WDR27: variants seen among roughly 807,000 people sequenced by gnomAD.
WDR27 encodes the protein WD repeat-containing protein 27.
A neutral mutation model predicts 114.4 loss-of-function variants in WDR27; 100 were observed. That is an observed-to-expected ratio of 0.87 (90% confidence interval 0.74 to 1.03). The LOEUF (loss-of-function observed/expected upper bound fraction) is 1.03. WDR27 is among the 50% of genes least tolerant of loss of function. The pLI is 0.00. For missense variants in WDR27, 1,129 were observed against 1,092.9 expected (o/e 1.03, Z -0.47); for synonymous variants, 449 against 423.1 (o/e 1.06, Z -0.75).
At chr6:169,518,044 G>A (rs1317187588) in intron 25 of WDR27, among the ~76,000 whole-genome samples, 1 of 152,198 alleles carries the variant, frequency 6.6e-6, no homozygotes, top group Non-Finnish European at 1.5e-5. Context: ...CACATGCTGG[G>A]AACACTACTG....
In WDR27 at chr6:169,664,476, T is replaced by C. The variant is rs901685724; in HGVS notation, c.784-190A>G. ...TGGAGGCCCTCCGTACGGCCCACGG[T>C]GTCAGAGCACTTTCACACGGCTGGC... is the stretch of plus-strand genomic sequence containing the variant. On this transcript the variant is annotated intron_variant, in intron 7 of 25. Coordinates refer to ENST00000448612, the MANE Select transcript of WDR27 (RefSeq NM_182552.5). 3 of 1,437,716 alleles carry C rather than the reference T, an allele frequency of 2.1e-6. No homozygotes were observed. The African/African-American group carries it at 4.3e-5, about 21-fold the overall frequency. The allele number at this position is 1,437,716 out of a possible 1,614,324, so 89.1% of individuals were successfully genotyped here. A position where few individuals can be genotyped will look rare whatever the true frequency, so the allele number is the denominator to read the frequency against.
intron 25 of WDR27, among the ~76,000 whole-genome samples, chr6:169,527,923 G>A (rs927421704): frequency 7.2e-5 from 11 of 152,068 alleles, no homozygotes; most frequent in African/African-American, 2.7e-4. Context: ...ACAACGTTAA[G>A]AAATAGACCA....
chr6:169,664,773 A>C, intron 7 of WDR27: 1 of 995,026 alleles, frequency 1.0e-6, no homozygotes, highest in Non-Finnish European at 1.2e-6. Flanking sequence ...GGCTCACCTA[A>C]AAAATGTTTT....
At chr6:169,676,489 G>A (rs1041960571) in intron 2 of WDR27, among the ~76,000 whole-genome samples, 1 of 152,156 alleles carries the variant, frequency 6.6e-6, no homozygotes, top group African/African-American at 2.4e-5. Flanking sequence ...CTCTTGTGGG[G>A]AAAATCTACA....
intron 25 of WDR27, among the ~76,000 whole-genome samples, chr6:169,500,176 G>T (rs1790963484): frequency 2.0e-5 from 3 of 152,188 alleles, no homozygotes; most frequent in Non-Finnish European, 4.4e-5. Flanking sequence ...CACAATCAAA[G>T]ACTTGGAAAA....
rs889765142 is a variant in WDR27 at position 169,660,575 on chromosome 6, A to G, written c.1129+88T>C. 176 of 1,081,430 alleles carry G rather than the reference A, an allele frequency of 1.6e-4. 2 individuals are homozygous for G. In the Admixed American group the frequency reaches 3.1e-3, roughly 19 times the overall value. 67.0% of individuals were successfully genotyped at this position (1,081,430 alleles called of 1,614,324 possible). On this transcript the variant is annotated intron_variant, in intron 10 of 25. Transcript: ENST00000448612. ...ATCTCATCCTCAGATTCACACGGCA[A>G]GGCCTTCTCCACAAACACTTACACT...
At chr6:169,655,159 G>A (rs186403740) in intron 13 of WDR27, among the ~76,000 whole-genome samples, 1 of 152,318 alleles carries the variant, frequency 6.6e-6, no homozygotes, top group Admixed American at 6.5e-5. Flanking sequence ...TGCTATTCTT[G>A]TCTCACACTG....
chr6:169,521,988 C>T (rs1794442120), intron 25 of WDR27, among the ~76,000 whole-genome samples: 1 of 151,906 alleles, frequency 6.6e-6, no homozygotes, highest in African/African-American at 2.4e-5. Context: ...CACTTATCAA[C>T]AATAACACTG....
chr6:169,481,021 A>T (rs143039151), intron 25 of WDR27, among the ~76,000 whole-genome samples: 88 of 149,768 alleles, frequency 5.9e-4, no homozygotes, highest in African/African-American at 2.2e-3. Flanking sequence ...CTGTCTAGCT[A>T]AATGTTTATG....
intron 2 of WDR27, among the ~76,000 whole-genome samples, chr6:169,675,613 G>A (rs1320081186): frequency 2.6e-5 from 4 of 152,228 alleles, no homozygotes; most frequent in East Asian, 1.9e-4. Flanking sequence ...CATTGGTTTC[G>A]TTCAGAAAGG....
At chr6:169,700,038 C>A (rs1300526338) in intron 1 of WDR27, among the ~76,000 whole-genome samples, 1 of 152,130 alleles carries the variant, frequency 6.6e-6, no homozygotes, top group Non-Finnish European at 1.5e-5. Context: ...GAATCAGGGT[C>A]TAGTTGGGAA....
the WDR27 span, among the ~76,000 whole-genome samples, chr6:169,450,985 G>A: frequency 1.6e-4 from 25 of 152,268 alleles, no homozygotes; most frequent in African/African-American, 5.8e-4. Flanking sequence ...GTCAAGCTGG[G>A]AGCTGCCTCC....
intron 14 of WDR27, among the ~76,000 whole-genome samples, chr6:169,650,470 C>G (rs752796064): frequency 2.5e-4 from 37 of 147,320 alleles, no homozygotes; most frequent in Non-Finnish European, 4.2e-4. Context: ...CATCTATCCA[C>G]CCACTCATCC....
chr6:169,587,027 G>A (rs1584412622), intron 23 of WDR27, among the ~76,000 whole-genome samples: 1 of 151,422 alleles, frequency 6.6e-6, no homozygotes, highest in Non-Finnish European at 1.5e-5. Flanking sequence ...GGACAGCCCC[G>A]ATCACAAGCT....
intron 2 of WDR27, among the ~76,000 whole-genome samples, chr6:169,681,158 ATAAAG>A (rs759559636): frequency 9.2e-5 from 14 of 152,274 alleles, no homozygotes; most frequent in Admixed American, 3.9e-4. Flanking sequence ...AGGAGAATGC[ATAAAG>A]TATAGTATAT....
chr6:169,580,260 A>C (rs1197655153), intron 24 of WDR27, among the ~76,000 whole-genome samples: 1 of 152,268 alleles, frequency 6.6e-6, no homozygotes, highest in Non-Finnish European at 1.5e-5. Flanking sequence ...TATTAAATAA[A>C]CACCACCTCC....
chr6:169,505,446 T>C (rs992631374), intron 25 of WDR27, among the ~76,000 whole-genome samples: 97 of 125,552 alleles, frequency 7.7e-4, no homozygotes, highest in Non-Finnish European at 3.1e-4. Flanking sequence ...AGCACCATCA[T>C]AAGGTACATT....
At chr6:169,637,403 T>C (rs1383924158) in intron 18 of WDR27, among the ~76,000 whole-genome samples, 1 of 152,276 alleles carries the variant, frequency 6.6e-6, no homozygotes, top group Non-Finnish European at 1.5e-5. Flanking sequence ...GATTTAACCA[T>C]ATGAATGTAT....
the WDR27 span, among the ~76,000 whole-genome samples, chr6:169,429,007 C>T: frequency 6.6e-6 from 1 of 152,158 alleles, no homozygotes; most frequent in Non-Finnish European, 1.5e-5. Flanking sequence ...GACAAAACTC[C>T]CAGGCAGAAA....
Sources: allele counts gnomAD v4.1 joint callset (sites outside exome capture counted in the v4.1 genomes callset), GRCh38; gene constraint gnomAD v4.1.1; transcripts MANE v1.5; gene names NCBI Gene and HGNC (gene_info 2026-07-23, HGNC 2026-07-21).